The following GRID2 variants were observed in gnomAD, a reference collection of about 807,000 sequenced individuals.
GRID2 encodes glutamate receptor ionotropic, delta-2.
Under a neutral mutation model 114.8 loss-of-function variants are expected in GRID2, and 33 were observed. The observed-to-expected ratio is 0.29, with a 90% confidence interval of 0.22 to 0.38. GRID2 has a LOEUF of 0.38. GRID2 is among the 10% of genes least tolerant of loss of function. The probability of loss-of-function intolerance (pLI) is 1.00; values close to 1 mark genes in which losing one functional copy is unlikely to be tolerated. For missense variants in GRID2, 1,184 were observed against 1,257.7 expected, an observed-to-expected ratio of 0.94 and a Z score of 0.89; for synonymous variants, 505 against 449.9, an observed-to-expected ratio of 1.12 and a Z score of -1.55.
At chr4:92,979,401 G>A (rs551453472) in intron 2 of GRID2, among the ~76,000 whole-genome samples, 1 of 151,948 alleles carries the variant, frequency 6.6e-6, no homozygotes, top group African/African-American at 2.4e-5. Flanking sequence ...GATACACAGA[G>A]CAAGGACCTT....
intron 14 of GRID2, among the ~76,000 whole-genome samples, chr4:93,655,194 A>C (rs764133150): frequency 1.3e-5 from 2 of 152,224 alleles, no homozygotes; most frequent in Non-Finnish European, 2.9e-5. Flanking sequence ...AGCATAAGAT[A>C]AGAAAATTAA....
At chr4:92,873,409 T>C (rs1021749438) in intron 2 of GRID2, among the ~76,000 whole-genome samples, 1 of 152,146 alleles carries the variant, frequency 6.6e-6, no homozygotes, top group Non-Finnish European at 1.5e-5. Context: ...TCAACTTTTT[T>C]TTTAATATAA....
intron 1 of GRID2, among the ~76,000 whole-genome samples, chr4:92,338,192 A>G (rs1299620390): frequency 1.3e-5 from 2 of 152,216 alleles, no homozygotes; most frequent in Non-Finnish European, 2.9e-5. Context: ...AGTGCTGAGC[A>G]TGTTTTAGAG....
At chr4:92,797,095 T>C (rs1432427029) in intron 2 of GRID2, among the ~76,000 whole-genome samples, 2 of 152,008 alleles carry the variant, frequency 1.3e-5, no homozygotes, top group Non-Finnish European at 2.9e-5. Flanking sequence ...TTATAGTGGA[T>C]ATCAAGTAGT....
intron 9 of GRID2, among the ~76,000 whole-genome samples, chr4:93,412,757 C>T (rs1020453164): frequency 5.9e-5 from 9 of 152,114 alleles, no homozygotes; most frequent in East Asian, 2.0e-4. Flanking sequence ...TTGCCTACCC[C>T]ACTAACAGGC....
rs1177310486 is a variant in GRID2 at position 93,741,179 on chromosome 4, A to G, written c.2361-28031A>G. On this transcript the variant is annotated intron_variant, in intron 14 of 15. Transcript: ENST00000282020. ...AGAAACTATATATATATATACATAT[A>G]TATATATATATATATATATATGTAT... Among the ~76,000 whole-genome samples the G allele has an allele frequency of 2.1e-3, 69 of 32,826 alleles. 1 individual carries two copies. The highest frequency in any genetic ancestry group is 5.4e-3 in the African/African-American group (61 of 11,216). The allele number at this position is 32,826 out of a possible 152,430, so 21.5% of individuals were successfully genotyped here.
At chr4:92,786,417 C>T (rs185585921) in intron 2 of GRID2, among the ~76,000 whole-genome samples, 1 of 151,846 alleles carries the variant, frequency 6.6e-6, no homozygotes, top group Admixed American at 6.6e-5. Flanking sequence ...TATTTTACAT[C>T]ACTATCTTAA....
chr4:93,734,331 G>T (rs985056537), intron 14 of GRID2, among the ~76,000 whole-genome samples: 1 of 151,738 alleles, frequency 6.6e-6, no homozygotes, highest in African/African-American at 2.4e-5. Context: ...TCATCTTTCT[G>T]ATTTGCTCAT....
At chr4:93,178,639 C>T (rs1193920182) in intron 4 of GRID2, among the ~76,000 whole-genome samples, 3 of 151,766 alleles carry the variant, frequency 2.0e-5, no homozygotes, top group Admixed American at 2.0e-4. Context: ...CCTCCTGCCT[C>T]GGCCTCCCAA....
At position 92,375,805 on chromosome 4, in the gene GRID2, G is replaced by C. The variant is rs568704202; in HGVS notation, c.88+71061G>C. ...AGCATGAGGAAATGTGCTCAAAGTTGCATATTAGGTTAGAAAAAATGCCTG... is the reference window on the plus strand; with the variant it reads ...AGCATGAGGAAATGTGCTCAAAGTTCCATATTAGGTTAGAAAAAATGCCTG... On this transcript the variant is annotated intron_variant, in intron 1 of 15. Coordinates refer to ENST00000282020, the MANE Select transcript of GRID2 (RefSeq NM_001510.4). 3.4e-4 allele frequency among the ~76,000 whole-genome samples: 51 copies of C among 152,132 alleles called. 1 individual carries two copies. In the South Asian group the frequency reaches 4.4e-3, roughly 13 times the overall value.
At chr4:92,839,811 G>A (rs921461114) in intron 2 of GRID2, among the ~76,000 whole-genome samples, 2 of 151,954 alleles carry the variant, frequency 1.3e-5, no homozygotes, top group African/African-American at 4.8e-5. Context: ...GGATAAAGTG[G>A]CCTGTAAATA....
chr4:93,557,552 A>G (rs1734443897), intron 13 of GRID2, among the ~76,000 whole-genome samples: 1 of 152,204 alleles, frequency 6.6e-6, no homozygotes, highest in East Asian at 1.9e-4. Context: ...TCCTACATAT[A>G]TATGCACCCA....
intron 11 of GRID2, among the ~76,000 whole-genome samples, chr4:93,486,990 G>A (rs925260425): frequency 5.3e-5 from 8 of 151,742 alleles, no homozygotes; most frequent in South Asian, 2.1e-4. Context: ...TTTTAATTCC[G>A]GATTTGAAAT....
chr4:93,575,937 G>T (rs1736380814), intron 13 of GRID2, among the ~76,000 whole-genome samples: 1 of 152,126 alleles, frequency 6.6e-6, no homozygotes, highest in African/African-American at 2.4e-5. Context: ...CTAAAAGGAG[G>T]AAACTATTCT....
intron 2 of GRID2, among the ~76,000 whole-genome samples, chr4:92,660,475 G>A (rs1414734064): frequency 6.6e-6 from 1 of 151,270 alleles, no homozygotes; most frequent in Non-Finnish European, 1.5e-5. Context: ...TGATACATGA[G>A]TAAATGAACA....
chr4:93,116,072 C>T (rs1733220176), intron 4 of GRID2, among the ~76,000 whole-genome samples: 1 of 152,106 alleles, frequency 6.6e-6, no homozygotes, highest in Non-Finnish European at 1.5e-5. Flanking sequence ...TACTTCATGT[C>T]CTTCACCTAC....
At chr4:93,490,868 A>C in intron 12 of GRID2, 91 bp downstream of exon 12, 1 of 817,418 alleles carries the variant, frequency 1.2e-6, no homozygotes, top group Non-Finnish European at 2.0e-6. Context: ...GTGTCTCATA[A>C]TAAATGTACA....
intron 14 of GRID2, among the ~76,000 whole-genome samples, chr4:93,701,933 T>TTATAA (rs1271215347): frequency 1.3e-5 from 2 of 152,116 alleles, no homozygotes; most frequent in Non-Finnish European, 2.9e-5. Context: ...TAATCAGTAA[T>TTATAA]TATAATATAA....
chr4:93,175,165 ATTTTGTTTTG>A (rs966374585), intron 4 of GRID2, among the ~76,000 whole-genome samples: 16 of 151,632 alleles, frequency 1.1e-4, no homozygotes, highest in Non-Finnish European at 2.9e-5. Context: ...TAGACCTTTT[ATTTTGTTTTG>A]TTTTGTTTTG....
Sources: allele counts gnomAD v4.1 joint callset (sites outside exome capture counted in the v4.1 genomes callset), GRCh38; gene constraint gnomAD v4.1.1; transcripts MANE v1.5; gene names NCBI Gene and HGNC (gene_info 2026-07-23, HGNC 2026-07-21).